The following ARHGEF33 variants were observed in gnomAD, a reference collection of about 807,000 sequenced individuals.
ARHGEF33 encodes the protein DH and coiled-coil domain-containing protein ENSP00000381780.
A neutral mutation model predicts 101.9 loss-of-function variants in ARHGEF33; 72 were observed. The observed-to-expected ratio is 0.71, with a 90% CI of 0.58 to 0.86. The LOEUF is 0.86. ARHGEF33 is among the 40% of genes least tolerant of loss of function. The pLI is 0.00. For synonymous variants in ARHGEF33, 499 were observed against 442.5 expected, an observed-to-expected ratio of 1.13 and a Z score of -1.60; for missense variants, 1,169 against 1,111.3, an observed-to-expected ratio of 1.05 and a Z score of -0.74.
intron 2 of ARHGEF33, among the ~76,000 whole-genome samples, chr2:38,914,123 G>T (rs1666576069): frequency 6.6e-6 from 1 of 152,198 alleles, no homozygotes; most frequent in South Asian, 2.1e-4. Context: ...GAATGCAGGA[G>T]AAAGGTATTC....
intron 4 of ARHGEF33, among the ~76,000 whole-genome samples, chr2:38,926,964 T>C (rs1484227274): frequency 1.3e-5 from 2 of 152,204 alleles, no homozygotes; most frequent in Non-Finnish European, 2.9e-5. Context: ...TACATTTACA[T>C]AATGAAAAAT....
At chr2:38,918,548 G>A (rs1666686103) in intron 2 of ARHGEF33, among the ~76,000 whole-genome samples, 1 of 152,154 alleles carries the variant, frequency 6.6e-6, no homozygotes, top group Non-Finnish European at 1.5e-5. Context: ...CACTGACTGT[G>A]TGTTAGGCTG....
intron 8 of ARHGEF33, chr2:38,936,793 T>C (rs1266439567): frequency 2.6e-5 from 4 of 151,684 alleles, no homozygotes; most frequent in Non-Finnish European, 5.9e-5. Context: ...CTGGCCAGCA[T>C]GGTGAAACCT....
intron 2 of ARHGEF33, among the ~76,000 whole-genome samples, chr2:38,907,668 G>T (rs1666421268): frequency 6.6e-6 from 1 of 152,196 alleles, no homozygotes; most frequent in Non-Finnish European, 1.5e-5. Flanking sequence ...ACTGGAGGGA[G>T]TTGTCTCTGG....
chr2:38,914,778 C>G (rs1002667139), intron 2 of ARHGEF33, among the ~76,000 whole-genome samples: 1 of 151,480 alleles, frequency 6.6e-6, no homozygotes, highest in East Asian at 1.9e-4. Context: ...TATAAACCTA[C>G]AATAACAACC....
intron 2 of ARHGEF33, among the ~76,000 whole-genome samples, chr2:38,905,683 C>T (rs542617118): frequency 2.4e-4 from 37 of 152,258 alleles, no homozygotes; most frequent in Admixed American, 7.8e-4. Flanking sequence ...AGCAGGAAGC[C>T]TGATGAAAAT....
intron 9 of ARHGEF33, among the ~76,000 whole-genome samples, chr2:38,940,118 A>C (rs2124397129): frequency 6.6e-6 from 1 of 152,312 alleles, no homozygotes; most frequent in East Asian, 1.9e-4. Flanking sequence ...ATCTAATTTT[A>C]GACTCTCCTT....
At chr2:38,945,645 T>G (rs1333985867) in intron 10 of ARHGEF33, among the ~76,000 whole-genome samples, 1 of 152,272 alleles carries the variant, frequency 6.6e-6, no homozygotes, top group East Asian at 1.9e-4. Context: ...TAATGAAATC[T>G]AAAGGCGGTG....
At position 38,959,821 on chromosome 2, in the gene ARHGEF33, ACT is replaced by A. The variant is rs938246246; in HGVS notation, c.1536-17_1536-16del. 3 of 1,526,224 alleles carry A rather than the reference ACT, an allele frequency of 2.0e-6. No homozygotes were observed. Among genetic ancestry groups the A allele is most frequent in the Non-Finnish European group, 2.6e-6 (3 of 1,132,340 alleles). The allele number at this position is 1,526,224 out of a possible 1,614,324, so 94.5% of individuals were successfully genotyped here. ...CCGGCCGTAAGCACAGCTCTTTTGT[ACT>A]CTGTTTTCCCCCTAAAGACATCTGA... On this transcript the variant is annotated intron_variant, in intron 15 of 17. Coordinates refer to ENST00000409978, the MANE Select transcript of ARHGEF33 (RefSeq NM_001145451.5).
intron 2 of ARHGEF33, among the ~76,000 whole-genome samples, chr2:38,911,998 G>A (rs563300089): frequency 7.9e-5 from 12 of 152,210 alleles, no homozygotes; most frequent in Non-Finnish European, 1.2e-4. Flanking sequence ...CAGCTTGGTG[G>A]CTTCCTCTCT....
At chr2:38,895,555 T>G (rs991330008) in intron 1 of ARHGEF33, among the ~76,000 whole-genome samples, 2 of 152,304 alleles carry the variant, frequency 1.3e-5, no homozygotes, top group East Asian at 3.9e-4. Flanking sequence ...CTGAGGTGAT[T>G]GTACTTGCTC....
At chr2:38,957,530 G>A (rs1180888832) in intron 14 of ARHGEF33, among the ~76,000 whole-genome samples, 1 of 152,152 alleles carries the variant, frequency 6.6e-6, no homozygotes, top group Non-Finnish European at 1.5e-5. Context: ...TAAATAAGAT[G>A]GTGATATGTG....
intron 11 of ARHGEF33, 130 bp downstream of exon 11, chr2:38,951,251 T>A (rs777240629): frequency 9.2e-6 from 8 of 872,964 alleles, no homozygotes; most frequent in Non-Finnish European, 1.4e-5. Flanking sequence ...AGTCTAACTT[T>A]CTCATTCTAC....
intron 6 of ARHGEF33, among the ~76,000 whole-genome samples, chr2:38,930,864 T>C (rs1338768679): frequency 6.6e-6 from 1 of 152,188 alleles, no homozygotes; most frequent in East Asian, 1.9e-4. Context: ...AAAATAAGAA[T>C]GTGGATGTTA....
At chr2:38,917,951 A>G (rs769339801) in intron 2 of ARHGEF33, among the ~76,000 whole-genome samples, 1 of 152,244 alleles carries the variant, frequency 6.6e-6, no homozygotes, top group Non-Finnish European at 1.5e-5. Context: ...TAAGTGATGA[A>G]CAAAGTTTAA....
chr2:38,903,698 C>T (rs1666300792), intron 2 of ARHGEF33, among the ~76,000 whole-genome samples: 1 of 152,216 alleles, frequency 6.6e-6, no homozygotes, highest in Non-Finnish European at 1.5e-5. Flanking sequence ...TATTGCAGAT[C>T]ATCCTATTTT....
chr2:38,903,792 C>T (rs1666301991), intron 2 of ARHGEF33, among the ~76,000 whole-genome samples: 1 of 152,182 alleles, frequency 6.6e-6, no homozygotes, highest in Admixed American at 6.5e-5. Context: ...TCTGGATTTT[C>T]TTCTACCAAT....
intron 10 of ARHGEF33, among the ~76,000 whole-genome samples, chr2:38,947,547 C>G (rs775308949): frequency 6.6e-6 from 1 of 152,202 alleles, no homozygotes; most frequent in African/African-American, 2.4e-5. Flanking sequence ...CCACCCTGTG[C>G]TCTTATACAT....
chr2:38,961,052 G>T (rs1466360892), intron 16 of ARHGEF33, among the ~76,000 whole-genome samples: 1 of 152,134 alleles, frequency 6.6e-6, no homozygotes, highest in Non-Finnish European at 1.5e-5. Flanking sequence ...CGCAGGTCCC[G>T]GGCCAGTGTG....
Sources: allele counts gnomAD v4.1 joint callset (sites outside exome capture counted in the v4.1 genomes callset), GRCh38; gene constraint gnomAD v4.1.1; transcripts MANE v1.5; gene names NCBI Gene and HGNC (gene_info 2026-07-23, HGNC 2026-07-21).